Variants in WSB1 observed in about 807,000 individuals in gnomAD.
WSB1 encodes WD repeat and SOCS box-containing protein 1.
Under a neutral mutation model 50.2 loss-of-function variants are expected in WSB1, and 23 were observed. The observed-to-expected ratio is 0.46, with a 90% CI of 0.33 to 0.65. WSB1 has a LOEUF of 0.65. Ranked by LOEUF, WSB1 falls within the 30% of genes least tolerant of loss-of-function variation. The probability of loss-of-function intolerance (pLI) is 0.02; values close to 1 mark genes in which losing one functional copy is unlikely to be tolerated. For synonymous variants in WSB1, 179 were observed against 172.0 expected (o/e 1.04, Z -0.32); for missense variants, 492 against 522.3 (o/e 0.94, Z 0.56).
intron 4 of WSB1, 68 bp from the exon 5 acceptor site, chr17:27,306,714 G>C (rs2017475533): frequency 1.2e-5 from 17 of 1,475,878 alleles, no homozygotes; most frequent in Non-Finnish European, 1.6e-5. Flanking sequence ...TTGCTTTACT[G>C]CTGTTTTGAA....
At chr17:27,310,392 A>G (rs2017630807) in intron 7 of WSB1, among the ~76,000 whole-genome samples, 1 of 152,264 alleles carries the variant, frequency 6.6e-6, no homozygotes, top group Non-Finnish European at 1.5e-5. Context: ...TTGTTTAGGC[A>G]TAGTGGGTTG....
intron 2 of WSB1, chr17:27,302,596 T>G (rs1015553788): frequency 6.6e-6 from 1 of 152,052 alleles, no homozygotes. Context: ...ATAACCCTGG[T>G]GCATAGTAGT....
At chr17:27,298,272 A>G (rs1481991854) in intron 1 of WSB1, among the ~76,000 whole-genome samples, 1 of 152,142 alleles carries the variant, frequency 6.6e-6, no homozygotes, top group Non-Finnish European at 1.5e-5. Flanking sequence ...AGTTACATAA[A>G]TATTCTCCAT....
chr17:27,311,490 T>C lies in WSB1; in HGVS notation c.999-19T>C. On this transcript the variant is annotated intron_variant, in intron 7 of 8. Coordinates refer to ENST00000262394, the MANE Select transcript of WSB1 (RefSeq NM_015626.10). Reference sequence around the variant, plus strand: ...CTTACATTTTCTACAAGATACTAAATAATTTATTTCATTTTCAGAATGGTG... The same window carrying C: ...CTTACATTTTCTACAAGATACTAAACAATTTATTTCATTTTCAGAATGGTG... 6.4e-7 allele frequency: 1 copy of C among 1,571,096 alleles called. No homozygotes were observed. The highest frequency in any genetic ancestry group is 8.6e-7 in the Non-Finnish European group (1 of 1,163,972).
intron 2 of WSB1, 51 bp from the exon 3 acceptor site, chr17:27,303,316 G>T: frequency 6.4e-7 from 1 of 1,572,894 alleles, no homozygotes; most frequent in Non-Finnish European, 8.7e-7. Flanking sequence ...ATGTCCAGAG[G>T]AGTCCAGAGT....
chr17:27,311,708 T>G (rs2017691126), intron 8 of WSB1, 92 bp downstream of exon 8: 2 of 946,422 alleles, frequency 2.1e-6, no homozygotes, highest in Admixed American at 3.3e-5. Context: ...CTCTGCTCAC[T>G]GTAGCCTCCG....
chr17:27,303,627 T>G lies in WSB1; in HGVS notation c.470T>G (p.Val157Gly), dbSNP rs1370822622. ...LNNGRIKIWD[V>G]YTGKLLLNLV... ...AATGGGCGTATCAAAATATGGGATG[T>G]ATATACAGGTATGGATTCATAGTTT... The change falls in exon 3 of 9, where the codon GTA becomes GGA. Residue 157 changes from valine (V) to glycine (G), a missense_variant. Val to Gly is a moderately radical substitution (Grantham distance 109). Transcript: ENST00000262394. The G allele has an allele frequency of 1.9e-6, 3 of 1,613,868 alleles. No individual in the cohort carries two copies. The highest frequency in any genetic ancestry group is 2.5e-6 in the Non-Finnish European group (3 of 1,179,834).
chr17:27,294,538 C>G lies in WSB1; in HGVS notation c.40+103C>G. ...CGACTCCAAGTCTGAGGGAAGAGCT[C>G]CAGTGCGCCAGGGCCAGCCCACTAG... On this transcript the variant is annotated intron_variant, in intron 1 of 8. Coordinates refer to ENST00000262394, the MANE Select transcript of WSB1 (RefSeq NM_015626.10). 1.0e-5 allele frequency: 15 copies of G among 1,506,766 alleles called. No homozygotes were observed. In the South Asian group the frequency reaches 1.8e-4, roughly 18 times the overall value. 93.3% of individuals were successfully genotyped at this position (1,506,766 alleles called of 1,614,324 possible).
At chr17:27,296,075 C>CT (rs1567681571) in intron 1 of WSB1, among the ~76,000 whole-genome samples, 4 of 152,100 alleles carry the variant, frequency 2.6e-5, no homozygotes, top group African/African-American at 9.7e-5. Flanking sequence ...CTCAGGTGAT[C>CT]GCCCACCTCT....
chr17:27,304,776 T>G lies in WSB1; in HGVS notation c.479-4T>G. 6.2e-7 allele frequency: 1 copy of G among 1,611,098 alleles called. No homozygotes were observed. On this transcript the variant is annotated splice_polypyrimidine_tract_variant and splice_region_variant and intron_variant, in intron 3 of 8. Coordinates refer to ENST00000262394, the MANE Select transcript of WSB1 (RefSeq NM_015626.10). Reference sequence around the variant, plus strand: ...CTTTTTTTTCCCTTTTCTATCATATTTAGGAAAACTCCTCCTTAACTTGGT... The same window carrying G: ...CTTTTTTTTCCCTTTTCTATCATATGTAGGAAAACTCCTCCTTAACTTGGT...
chr17:27,314,643 G>A lies in WSB1; in HGVS notation c.*2274G>A, dbSNP rs986148264. The A allele has an allele frequency of 1.3e-5, 2 of 152,090 alleles. No individual in the cohort carries two copies. Among genetic ancestry groups the A allele is most frequent in the Non-Finnish European group, 2.9e-5 (2 of 68,022 alleles). 9.4% of individuals were successfully genotyped at this position (152,090 alleles called of 1,614,324 possible). A position where few individuals can be genotyped will look rare whatever the true frequency, so the allele number is the denominator to read the frequency against. On this transcript the variant is annotated 3_prime_UTR_variant, in exon 9 of 9. Coordinates refer to ENST00000262394, the MANE Select transcript of WSB1 (RefSeq NM_015626.10). ...TTTCCACACCAACATATCCAGTCAAGTAAAAACAGCTTTTTTTATTTTTTA... is the reference window on the plus strand; with the variant it reads ...TTTCCACACCAACATATCCAGTCAAATAAAAACAGCTTTTTTTATTTTTTA...
intron 1 of WSB1, among the ~76,000 whole-genome samples, chr17:27,297,952 T>C (rs1246953818): frequency 6.6e-6 from 1 of 151,882 alleles, no homozygotes; most frequent in East Asian, 1.9e-4. Flanking sequence ...TGCTAAAATA[T>C]ACAAAAGTTA....
At chr17:27,309,980 A>C (rs1366195697) in intron 6 of WSB1, 81 bp from the exon 7 acceptor site, 1 of 1,090,498 alleles carries the variant, frequency 9.2e-7, no homozygotes, top group Admixed American at 1.8e-5. Context: ...ACACTATTCA[A>C]AGACAGATGT....
At chr17:27,297,825 A>T (rs1282883412) in intron 1 of WSB1, among the ~76,000 whole-genome samples, 2 of 151,936 alleles carry the variant, frequency 1.3e-5, no homozygotes, top group African/African-American at 4.8e-5. Context: ...AATACAGTCT[A>T]GGCTGGGCAC....
Position 27,312,299 on chromosome 17 carries a change from T to C in WSB1, c.1196T>C (p.Met399Thr). Residue 399 changes from methionine to threonine, a missense_variant, in exon 9 of 9, where the codon ATG (methionine) becomes ACG (threonine). Met to Thr is a moderately conservative substitution (Grantham distance 81, BLOSUM62 -1). Transcript: ENST00000262394. Reference protein sequence around the residue: ...HLCRMSIRRVMPTQEVQELPI... With the variant: ...HLCRMSIRRVTPTQEVQELPI... Reference sequence around the variant, plus strand: ...TGTCGCATGTCAATCCGAAGAGTGATGCCCACCCAAGAAGTTCAGGAGCTG... The same window carrying C: ...TGTCGCATGTCAATCCGAAGAGTGACGCCCACCCAAGAAGTTCAGGAGCTG... 6.2e-7 allele frequency: 1 copy of C among 1,614,200 alleles called. No individual in the cohort carries two copies. The highest frequency in any genetic ancestry group is 8.5e-7 in the Non-Finnish European group (1 of 1,180,034).
chr17:27,303,968 ATGAT>A (rs1244795365), intron 3 of WSB1, among the ~76,000 whole-genome samples: 1 of 152,212 alleles, frequency 6.6e-6, no homozygotes, highest in Non-Finnish European at 1.5e-5. Flanking sequence ...TGCTTTTTCA[ATGAT>A]TGATAGCTTA....
At chr17:27,297,680 T>C (rs2017036982) in intron 1 of WSB1, among the ~76,000 whole-genome samples, 1 of 152,174 alleles carries the variant, frequency 6.6e-6, no homozygotes, top group Non-Finnish European at 1.5e-5. Flanking sequence ...GGTCTCAAAC[T>C]CATGGGCTCA....
At chr17:27,312,080 TC>T in intron 8 of WSB1, 129 bp from the exon 9 acceptor site, 2 of 1,089,962 alleles carry the variant, frequency 1.8e-6, no homozygotes, top group Non-Finnish European at 2.5e-6. Flanking sequence ...GGTTAGTTCT[TC>T]CTGGTTGGGT....
chr17:27,312,069 T>A, intron 8 of WSB1, 141 bp from the exon 9 acceptor site: 1 of 982,154 alleles, frequency 1.0e-6, no homozygotes, highest in South Asian at 1.8e-5. Flanking sequence ...AATACATCAT[T>A]GGTTAGTTCT....
Sources: gnomAD v4.1 joint callset for allele counts (sites outside exome capture counted in the v4.1 genomes callset) on GRCh38, gnomAD v4.1.1 for gene constraint, MANE v1.5 for transcripts, NCBI Gene and HGNC (gene_info 2026-07-23, HGNC 2026-07-21) for gene names.